The following SMAD3 variants were observed in gnomAD, a reference collection of about 807,000 sequenced individuals.
SMAD3 encodes the protein SMAD family member 3.
A neutral mutation model predicts 51.8 loss-of-function variants in SMAD3; 12 were observed. The ratio of observed to expected loss-of-function variants is 0.23; its 90% CI spans 0.15 to 0.38. SMAD3 has a LOEUF of 0.38. Among genes scored for constraint, SMAD3 ranks in the 10% least tolerant of loss-of-function variants. The pLI, the probability that SMAD3 is intolerant of heterozygous loss-of-function variation, is 1.00. For missense variants in SMAD3, 294 were observed against 565.6 expected (o/e 0.52, Z 4.87); for synonymous variants, 238 against 227.7 (o/e 1.05, Z -0.41).
intron 3 of SMAD3, 43 bp from the exon 4 acceptor site, chr15:67,166,736 C>A (rs1962600166): frequency 1.5e-6 from 2 of 1,361,044 alleles, no homozygotes; most frequent in African/African-American, 1.4e-5. Context: ...CAGAGCCAAG[C>A]TGTGAAGGCC....
intron 1 of SMAD3, among the ~76,000 whole-genome samples, chr15:67,150,798 C>CTTTTTTT (rs774186264): frequency 8.4e-4 from 30 of 35,524 alleles, no homozygotes; most frequent in Non-Finnish European, 1.4e-3. Context: ...CCATGTCCTG[C>CTTTTTTT]TTTTTTTTTT....
chr15:67,099,108 C>T (rs1056092707), intron 1 of SMAD3: 18 of 677,430 alleles, frequency 2.7e-5, no homozygotes, highest in Non-Finnish European at 4.6e-5. Context: ...GCTGTGACTT[C>T]TGCATTCCTG....
intron 1 of SMAD3, among the ~76,000 whole-genome samples, chr15:67,137,046 C>T (rs549196605): frequency 2.0e-5 from 3 of 152,238 alleles, no homozygotes; most frequent in Non-Finnish European, 4.4e-5. Flanking sequence ...TTTCTGGTGT[C>T]TGGTGCTGAT....
intron 1 of SMAD3, among the ~76,000 whole-genome samples, chr15:67,096,553 A>G (rs182498994): frequency 7.2e-5 from 11 of 152,378 alleles, no homozygotes; most frequent in African/African-American, 2.6e-4. Flanking sequence ...ATAATATTAA[A>G]TAGCAAATTA....
Position 67,192,777 on chromosome 15 carries a change from T to G in SMAD3, c.*2241T>G, listed in dbSNP as rs1963400116. ...CAGGTGAAGGGGGAAAAAAAAAGCCTATACTTTGGCAGGTTATGAACTTTG... is the reference window on the plus strand; with the variant it reads ...CAGGTGAAGGGGGAAAAAAAAAGCCGATACTTTGGCAGGTTATGAACTTTG... On this transcript the variant is annotated 3_prime_UTR_variant, in exon 9 of 9. Coordinates refer to ENST00000327367, the MANE Select transcript of SMAD3 (RefSeq NM_005902.4). 1 of 233,098 alleles carries G rather than the reference T, an allele frequency of 4.3e-6. No homozygotes were observed. Among genetic ancestry groups the G allele is most frequent in the South Asian group, 1.8e-4 (1 of 5,520 alleles). The allele number at this position is 233,098 out of a possible 1,614,324, so 14.4% of individuals were successfully genotyped here. A position where few individuals can be genotyped will look rare whatever the true frequency, so the allele number is the denominator to read the frequency against.
At chr15:67,183,073 GC>G (rs1963129581) in intron 6 of SMAD3, among the ~76,000 whole-genome samples, 1 of 108,994 alleles carries the variant, frequency 9.2e-6, no homozygotes, top group Admixed American at 1.3e-4. Context: ...ACCAAGTCTC[GC>G]TCTTGTCTCC....
At chr15:67,186,714 G>T in intron 7 of SMAD3, 1 of 188,348 alleles carries the variant, frequency 5.3e-6, no homozygotes, top group Admixed American at 5.6e-5. Flanking sequence ...ACTTAGCTGT[G>T]AATGTCACCT....
chr15:67,135,059 C>T (rs999731948), intron 1 of SMAD3, among the ~76,000 whole-genome samples: 1 of 152,034 alleles, frequency 6.6e-6, no homozygotes, highest in African/African-American at 2.4e-5. Flanking sequence ...GGGGCTTTGT[C>T]CTGGGAGCTG....
intron 5 of SMAD3, among the ~76,000 whole-genome samples, chr15:67,175,402 G>T (rs141020464): frequency 6.6e-6 from 1 of 152,292 alleles, no homozygotes; most frequent in Non-Finnish European, 1.5e-5. Context: ...CAGACTGAAA[G>T]GTGGTCGTTT....
At chr15:67,143,879 C>T (rs957139231) in intron 1 of SMAD3, among the ~76,000 whole-genome samples, 2 of 152,126 alleles carry the variant, frequency 1.3e-5, no homozygotes, top group African/African-American at 2.4e-5. Context: ...ACATGATTCT[C>T]CTGCCTCAGC....
At chr15:67,143,820 C>T (rs368807838) in intron 1 of SMAD3, among the ~76,000 whole-genome samples, 168 of 151,570 alleles carry the variant, frequency 1.1e-3, no homozygotes, top group African/African-American at 3.8e-3. Flanking sequence ...CGGCTCCTGC[C>T]GCCACACACA....
chr15:67,131,749 G>T (rs1961531783), intron 1 of SMAD3, among the ~76,000 whole-genome samples: 1 of 152,144 alleles, frequency 6.6e-6, no homozygotes, highest in Non-Finnish European at 1.5e-5. Context: ...AGCCCGATTT[G>T]CCAGAACCTT....
chr15:67,121,965 A>G (rs910450148), intron 1 of SMAD3, among the ~76,000 whole-genome samples: 2 of 152,246 alleles, frequency 1.3e-5, no homozygotes, highest in African/African-American at 4.8e-5. Context: ...ATGTTGGGTC[A>G]TTAAAATTAA....
At chr15:67,178,673 A>AT (rs5813430) in intron 5 of SMAD3, among the ~76,000 whole-genome samples, 137,085 of 149,174 alleles carry the variant, frequency 0.92, 63,085 homozygotes, top group Middle Eastern at 0.96. Flanking sequence ...TTGCACTTGG[A>AT]TTTTTTTTTT....
At chr15:67,133,668 T>C (rs1181057195) in intron 1 of SMAD3, among the ~76,000 whole-genome samples, 2 of 152,188 alleles carry the variant, frequency 1.3e-5, no homozygotes, top group African/African-American at 4.8e-5. Context: ...CAGAAGCAGA[T>C]GGGGGAATGG....
intron 1 of SMAD3, among the ~76,000 whole-genome samples, chr15:67,141,765 T>C (rs1961829607): frequency 6.6e-6 from 1 of 152,176 alleles, no homozygotes; most frequent in African/African-American, 2.4e-5. Context: ...CCACCCCCCA[T>C]ACACCCATTA....
chr15:67,140,934 C>T (rs544755733), intron 1 of SMAD3, among the ~76,000 whole-genome samples: 26 of 152,274 alleles, frequency 1.7e-4, no homozygotes, highest in African/African-American at 6.0e-4. Context: ...GCCAGATCTT[C>T]TGAGTTTTTT....
At chr15:67,079,027 G>A (rs1960227688) in intron 1 of SMAD3, among the ~76,000 whole-genome samples, 1 of 151,294 alleles carries the variant, frequency 6.6e-6, no homozygotes, top group Non-Finnish European at 1.5e-5. Flanking sequence ...TGCCCAGGCT[G>A]GAGTGCAAAG....
At chr15:67,137,947 C>G in intron 1 of SMAD3, 4 of 1,025,548 alleles carry the variant, frequency 3.9e-6, no homozygotes, top group Non-Finnish European at 6.0e-6. Flanking sequence ...TACTAGAATT[C>G]GGACTTCTAG....
Sources: allele counts gnomAD v4.1 joint callset (sites outside exome capture counted in the v4.1 genomes callset), GRCh38; gene constraint gnomAD v4.1.1; transcripts MANE v1.5; gene names NCBI Gene and HGNC (gene_info 2026-07-23, HGNC 2026-07-21).